Variants in SNX29 observed in about 807,000 individuals in gnomAD.
SNX29 encodes the protein sorting nexin 29.
A neutral mutation model predicts 102.1 loss-of-function variants in SNX29; 78 were observed. The ratio of observed to expected loss-of-function variants is 0.76; its 90% CI spans 0.64 to 0.92. The LOEUF is 0.92. Ranked by LOEUF, SNX29 falls within the 40% of genes least tolerant of loss-of-function variation. The pLI is 0.00. For synonymous variants in SNX29, 580 were observed against 414.5 expected (o/e 1.40, Z -4.85); for missense variants, 1,280 against 1,061.7 (o/e 1.21, Z -2.86).
chr16:12,050,281 C>G (rs577475374), intron 7 of SNX29, among the ~76,000 whole-genome samples: 8 of 152,294 alleles, frequency 5.3e-5, no homozygotes, highest in Admixed American at 3.9e-4. Context: ...GGAATTGGCT[C>G]AAAGTGTCTT....
intron 20 of SNX29, among the ~76,000 whole-genome samples, chr16:12,561,304 C>T (rs547775315): frequency 5.3e-5 from 8 of 152,296 alleles, no homozygotes; most frequent in Non-Finnish European, 1.0e-4. Context: ...CCATGATCTT[C>T]ACATCCTGGA....
At chr16:12,175,883 G>A (rs1596432853) in intron 13 of SNX29, among the ~76,000 whole-genome samples, 1 of 152,180 alleles carries the variant, frequency 6.6e-6, no homozygotes, top group East Asian at 1.9e-4. Context: ...GACTACCCTT[G>A]TAGTCCTAGC....
chr16:12,337,325 G>T, intron 15 of SNX29, among the ~76,000 whole-genome samples: 1 of 151,894 alleles, frequency 6.6e-6, no homozygotes. Context: ...TTTAAGGTAT[G>T]CAATGCGATG....
At chr16:12,555,534 G>GA (rs1567190864) in intron 20 of SNX29, among the ~76,000 whole-genome samples, 2 of 150,852 alleles carry the variant, frequency 1.3e-5, no homozygotes, top group Non-Finnish European at 3.0e-5. Flanking sequence ...CCTGCTCTCT[G>GA]GGAGGTCATA....
intron 16 of SNX29, among the ~76,000 whole-genome samples, chr16:12,386,656 C>T (rs540086329): frequency 2.0e-5 from 3 of 152,210 alleles, no homozygotes; most frequent in Admixed American, 6.5e-5. Context: ...AATAAACCTG[C>T]GACTGCAGGG....
At chr16:12,155,421 G>A (rs1433028549) in intron 13 of SNX29, among the ~76,000 whole-genome samples, 2 of 152,192 alleles carry the variant, frequency 1.3e-5, no homozygotes, top group Non-Finnish European at 2.9e-5. Flanking sequence ...GCACGGGGAT[G>A]AGGTGAGCCA....
intron 11 of SNX29, among the ~76,000 whole-genome samples, chr16:12,100,687 G>T (rs2052974594): frequency 6.7e-6 from 1 of 149,822 alleles, no homozygotes; most frequent in African/African-American, 2.5e-5. Context: ...CTGGGTGGGG[G>T]TGCTGGGTGT....
intron 14 of SNX29, among the ~76,000 whole-genome samples, chr16:12,235,678 A>G (rs1011978769): frequency 1.1e-4 from 17 of 152,020 alleles, no homozygotes; most frequent in African/African-American, 3.6e-4. Flanking sequence ...ACCTCTGGGT[A>G]AAAAAAAGAC....
At chr16:12,556,601 C>T (rs1027370394) in intron 20 of SNX29, 1 of 152,166 alleles carries the variant, frequency 6.6e-6, no homozygotes, top group African/African-American at 2.4e-5. Flanking sequence ...GGTTTGGGGT[C>T]TGAGGAAGGG....
intron 18 of SNX29, among the ~76,000 whole-genome samples, chr16:12,462,219 C>T (rs74808067): frequency 0.03 from 4,557 of 151,580 alleles, 91 homozygotes; most frequent in Non-Finnish European, 0.049. Context: ...GACCCTGCTT[C>T]CATGGTCAGC....
chr16:12,002,613 G>C (rs960678512), intron 2 of SNX29, among the ~76,000 whole-genome samples: 1 of 152,214 alleles, frequency 6.6e-6, no homozygotes, highest in African/African-American at 2.4e-5. Flanking sequence ...TTCAGCACAG[G>C]CTTATAGAAG....
At chr16:12,460,366 A>C (rs1272936130) in intron 18 of SNX29, among the ~76,000 whole-genome samples, 1 of 152,206 alleles carries the variant, frequency 6.6e-6, no homozygotes, top group African/African-American at 2.4e-5. Flanking sequence ...AGTCCATTAT[A>C]TTCTCACTGA....
chr16:12,535,640 C>G (rs545585384), intron 20 of SNX29, among the ~76,000 whole-genome samples: 5 of 152,178 alleles, frequency 3.3e-5, no homozygotes, highest in Non-Finnish European at 7.3e-5. Context: ...GAAGCACTTA[C>G]AGAGCAGTCT....
At chr16:12,463,010 T>C (rs2151761332) in intron 18 of SNX29, among the ~76,000 whole-genome samples, 1 of 152,328 alleles carries the variant, frequency 6.6e-6, no homozygotes, top group South Asian at 2.1e-4. Flanking sequence ...CAGCTATTTC[T>C]GAGTTTCCCA....
intron 20 of SNX29, chr16:12,556,657 G>C (rs147268228): frequency 9.2e-5 from 14 of 152,396 alleles, no homozygotes; most frequent in East Asian, 7.7e-4. Context: ...ACACAGCAGA[G>C]ACAGAAGTGG....
chr16:12,123,783 A>G lies in SNX29; in HGVS notation c.1403-2850A>G, dbSNP rs532345941. On this transcript the variant is annotated intron_variant, in intron 11 of 20. Transcript: ENST00000566228. Reference sequence around the variant, plus strand: ...GATGTTCTCCTAAGATGGGCTGGCAAATGTTTTCTGGAAAGGGCTGGACAG... The same window carrying G: ...GATGTTCTCCTAAGATGGGCTGGCAGATGTTTTCTGGAAAGGGCTGGACAG... Among the ~76,000 whole-genome samples, 5 of 152,264 alleles carry G rather than the reference A, an allele frequency of 3.3e-5. No homozygotes were observed. In the South Asian group the frequency reaches 1.0e-3, roughly 32 times the overall value.
intron 13 of SNX29, among the ~76,000 whole-genome samples, chr16:12,162,662 G>A (rs1396845652): frequency 6.6e-6 from 1 of 152,218 alleles, no homozygotes; most frequent in Non-Finnish European, 1.5e-5. Context: ...GTGGGCCATA[G>A]TTGATGACCT....
chr16:12,156,124 C>A (rs1250025951), intron 13 of SNX29, among the ~76,000 whole-genome samples: 2 of 152,256 alleles, frequency 1.3e-5, no homozygotes, highest in Non-Finnish European at 2.9e-5. Context: ...TCTACCAAGA[C>A]CCTCTTCCCC....
intron 13 of SNX29, among the ~76,000 whole-genome samples, chr16:12,157,952 C>G (rs1487126658): frequency 1.3e-5 from 2 of 152,202 alleles, no homozygotes; most frequent in African/African-American, 4.8e-5. Context: ...GTGCTTCATC[C>G]TTTGTGTTTT....
Sources: gnomAD v4.1 joint callset for allele counts (sites outside exome capture counted in the v4.1 genomes callset) on GRCh38, gnomAD v4.1.1 for gene constraint, MANE v1.5 for transcripts, NCBI Gene and HGNC (gene_info 2026-07-23, HGNC 2026-07-21) for gene names.